Variants in CSMD1 observed in about 807,000 individuals in gnomAD.
The protein encoded by CSMD1 is CUB and sushi domain-containing protein 1.
CSMD1 carries 213 observed loss-of-function variants against 417.5 expected under a neutral mutation model. That is an observed-to-expected ratio of 0.51 (90% CI 0.46 to 0.57). CSMD1 has a LOEUF of 0.57. Ranked by LOEUF, CSMD1 falls within the 20% of genes least tolerant of loss-of-function variation. CSMD1 has a pLI of 0.00. For missense variants in CSMD1, 6,923 were observed against 4,529.7 expected (o/e 1.53, Z -15.17); for synonymous variants, 2,862 against 1,736.8 (o/e 1.65, Z -16.11).
At chr8:4,659,154 A>T (rs1804425063) in intron 1 of CSMD1, among the ~76,000 whole-genome samples, 1 of 152,158 alleles carries the variant, frequency 6.6e-6, no homozygotes, top group Admixed American at 6.5e-5. Flanking sequence ...ATGAGAAAAT[A>T]AAAAGTTTCC....
rs200286539 is a variant in CSMD1, at chr8:4,395,529, G to GT, written c.415+24423dup. ...TCCCTACACCAGTTCCCCACCTACT[G>GT]TTTTTTTTTTGCCTGTCGTGGAGCT... On this transcript the variant is annotated intron_variant, in intron 3 of 69. Transcript: ENST00000635120. 5.9e-3 allele frequency among the ~76,000 whole-genome samples: 862 copies of GT among 147,158 alleles called. 7 individuals carry two copies. Among genetic ancestry groups the GT allele is most frequent in the African/African-American group, 0.016 (638 of 40,448 alleles).
intron 4 of CSMD1, among the ~76,000 whole-genome samples, chr8:4,026,519 G>A (rs974972230): frequency 3.3e-5 from 5 of 152,108 alleles, no homozygotes; most frequent in African/African-American, 9.7e-5. Flanking sequence ...GGATATGTAA[G>A]CAAAAAAGCA....
At chr8:4,785,908 C>T (rs993675799) in intron 1 of CSMD1, among the ~76,000 whole-genome samples, 2 of 152,090 alleles carry the variant, frequency 1.3e-5, no homozygotes, top group African/African-American at 4.8e-5. Flanking sequence ...GTGACAGCAC[C>T]AAAGACTGAA....
chr8:4,547,467 T>C (rs923939793), intron 2 of CSMD1, among the ~76,000 whole-genome samples: 2 of 152,200 alleles, frequency 1.3e-5, no homozygotes, highest in Non-Finnish European at 2.9e-5. Context: ...AAACTTTCAT[T>C]ATATGCAGCA....
intron 5 of CSMD1, among the ~76,000 whole-genome samples, chr8:3,834,811 C>G (rs1802582646): frequency 6.6e-6 from 1 of 151,828 alleles, no homozygotes; most frequent in East Asian, 1.9e-4. Flanking sequence ...TTTTCACAAC[C>G]TACTCATCTG....
intron 5 of CSMD1, among the ~76,000 whole-genome samples, chr8:3,877,860 C>G (rs956552631): frequency 1.3e-5 from 2 of 151,980 alleles, no homozygotes; most frequent in Non-Finnish European, 2.9e-5. Context: ...TAATGACAAA[C>G]AAACATTACT....
At chr8:3,409,706 C>G (rs1286231098) in intron 12 of CSMD1, 101 bp from the exon 13 acceptor site, 3 of 867,686 alleles carry the variant, frequency 3.5e-6, no homozygotes, top group Non-Finnish European at 3.4e-6. Flanking sequence ...TTTTGCTGAA[C>G]TAAACATCAT....
At chr8:3,956,568 T>C (rs899543132) in intron 5 of CSMD1, among the ~76,000 whole-genome samples, 20 of 152,218 alleles carry the variant, frequency 1.3e-4, no homozygotes, top group African/African-American at 4.6e-4. Context: ...TTAATATGTA[T>C]CAAATACTGT....
rs371667639 is a variant in CSMD1, at chr8:4,033,222, T to G, written c.416-1123A>C. Among the ~76,000 whole-genome samples the G allele has an allele frequency of 2.8e-3, 404 of 145,584 alleles. 2 individuals are homozygous for G. The highest frequency in any genetic ancestry group is 9.8e-3 in the African/African-American group (385 of 39,176). On this transcript the variant is annotated intron_variant, in intron 3 of 69. Coordinates refer to ENST00000635120, the MANE Select transcript of CSMD1 (RefSeq NM_033225.6). ...TTGGGAGGCCGAGGCAGGAGGATCG[T>G]GAGGTCAAGAGATCGAGACCATCCT... is the stretch of plus-strand genomic sequence containing the variant.
At chr8:3,493,602 G>A in intron 11 of CSMD1, 21 bp downstream of exon 11, 1 of 1,584,876 alleles carries the variant, frequency 6.3e-7, no homozygotes, top group South Asian at 1.1e-5. Context: ...AAGAGAAGAA[G>A]AAGCTCAAGG....
chr8:3,635,735 G>C (rs1370903795), intron 7 of CSMD1, among the ~76,000 whole-genome samples: 1 of 144,616 alleles, frequency 6.9e-6, no homozygotes, highest in Non-Finnish European at 1.5e-5. Flanking sequence ...TGCCCGCCTC[G>C]GCCTCCCGAA....
intron 10 of CSMD1, among the ~76,000 whole-genome samples, chr8:3,498,101 C>G (rs1297990386): frequency 1.3e-5 from 2 of 152,050 alleles, no homozygotes; most frequent in Admixed American, 6.5e-5. Flanking sequence ...CTTCTTTTTT[C>G]TTTCAGCATT....
At chr8:3,483,954 G>C (rs1415987785) in intron 11 of CSMD1, among the ~76,000 whole-genome samples, 1 of 152,176 alleles carries the variant, frequency 6.6e-6, no homozygotes, top group East Asian at 1.9e-4. Context: ...GTGTTCATGA[G>C]CTGAAAGATT....
In CSMD1 at chr8:4,722,271, T is replaced by G. The variant is rs150898097; in HGVS notation, c.86-84713A>C. Among the ~76,000 whole-genome samples, 353 of 152,274 alleles carry G rather than the reference T, an allele frequency of 2.3e-3. 2 individuals are homozygous for G. Among genetic ancestry groups the G allele is most frequent in the African/African-American group, 8.1e-3 (338 of 41,564 alleles). On this transcript the variant is annotated intron_variant, in intron 1 of 69. Transcript: ENST00000635120. ...ATGCATATCAAGCTATCATATTATA[T>G]TCCTTAAATACAGACTGCAAGAAAG... is the stretch of plus-strand genomic sequence containing the variant.
intron 5 of CSMD1, among the ~76,000 whole-genome samples, chr8:3,881,447 C>T (rs1201629852): frequency 6.6e-6 from 1 of 151,352 alleles, no homozygotes; most frequent in Admixed American, 6.6e-5. Context: ...CCAGCCTGGT[C>T]AAGATGGTGA....
chr8:4,400,871 A>C, intron 3 of CSMD1, among the ~76,000 whole-genome samples: 1 of 152,026 alleles, frequency 6.6e-6, no homozygotes, highest in East Asian at 1.9e-4. Flanking sequence ...AATTGAACTC[A>C]ACATGGATTT....
At chr8:4,187,893 G>A (rs1180364484) in intron 3 of CSMD1, among the ~76,000 whole-genome samples, 1 of 151,894 alleles carries the variant, frequency 6.6e-6, no homozygotes. Context: ...GGCAGCACTG[G>A]CATGATATCA....
chr8:3,629,307 A>T (rs1487281165), intron 7 of CSMD1, among the ~76,000 whole-genome samples: 1 of 100,216 alleles, frequency 1.0e-5, no homozygotes, highest in Non-Finnish European at 2.5e-5. Context: ...CTCTTACTTA[A>T]TATTATTTTC....
intron 5 of CSMD1, among the ~76,000 whole-genome samples, chr8:3,963,633 C>A (rs1408346870): frequency 6.6e-6 from 1 of 152,142 alleles, no homozygotes; most frequent in Admixed American, 6.5e-5. Flanking sequence ...TATATTGTTT[C>A]ATTTTTAAAT....
Sources: allele counts gnomAD v4.1 joint callset (sites outside exome capture counted in the v4.1 genomes callset), GRCh38; gene constraint gnomAD v4.1.1; transcripts MANE v1.5; gene names NCBI Gene and HGNC (gene_info 2026-07-23, HGNC 2026-07-21).